Variants in MAGI1 observed in about 807,000 individuals in gnomAD.
MAGI1 encodes the protein membrane associated guanylate kinase, WW and PDZ domain containing 1.
Under a neutral mutation model 139.9 loss-of-function variants are expected in MAGI1, and 58 were observed. The ratio of observed to expected loss-of-function variants is 0.41; its 90% CI spans 0.34 to 0.52. The LOEUF is 0.52. Among genes scored for constraint, MAGI1 ranks in the 20% least tolerant of loss-of-function variants. The pLI, the probability that MAGI1 is intolerant of heterozygous loss-of-function variation, is 0.12. For missense variants in MAGI1, 1,874 were observed against 1,901.6 expected, an observed-to-expected ratio of 0.99 and a Z score of 0.27; for synonymous variants, 812 against 737.9, an observed-to-expected ratio of 1.10 and a Z score of -1.63.
Position 65,403,757 on chromosome 3 carries a change from A to G in MAGI1, c.2168-2287T>C, listed in dbSNP as rs1308831939. Among the ~76,000 whole-genome samples, 13 of 152,314 alleles carry G rather than the reference A, an allele frequency of 8.5e-5. No individual in the cohort carries two copies. The South Asian group carries it at 2.7e-3, about 32-fold the overall frequency. On this transcript the variant is annotated intron_variant, in intron 12 of 22. Transcript: ENST00000402939. ...TTTGTAAGACTCTGGCTGATCTTCA[A>G]ATCCCTTCTCTTAAGAGCTTCATAT...
intron 5 of MAGI1, among the ~76,000 whole-genome samples, chr3:65,461,710 G>A (rs527371998): frequency 1.3e-5 from 2 of 151,908 alleles, no homozygotes; most frequent in South Asian, 2.1e-4. Flanking sequence ...GGATGGTCTC[G>A]ATCTCCTGAC....
intron 12 of MAGI1, among the ~76,000 whole-genome samples, chr3:65,413,791 A>G (rs2107216661): frequency 6.6e-6 from 1 of 152,246 alleles, no homozygotes; most frequent in East Asian, 1.9e-4. Context: ...CAACCCACAC[A>G]CTATCCCAGT....
intron 7 of MAGI1, among the ~76,000 whole-genome samples, chr3:65,447,362 T>C (rs1948740265): frequency 6.6e-6 from 1 of 152,204 alleles, no homozygotes; most frequent in African/African-American, 2.4e-5. Flanking sequence ...TATAAATTAT[T>C]CCTAAACAAC....
At position 65,375,874 on chromosome 3, in the gene MAGI1, T is replaced by C; in HGVS notation, c.3067A>G (p.Lys1023Glu). 6.2e-7 allele frequency: 1 copy of C among 1,614,196 alleles called. No homozygotes were observed. Among genetic ancestry groups the C allele is most frequent in the Non-Finnish European group, 8.5e-7 (1 of 1,180,034 alleles). The part of the protein sequence containing the change: ...IEGSPADRCG[K>E]LKVGDRILAV... Reference sequence around the variant, plus strand: ...AAGATCCGGTCTCCTACTTTCAGCTTGCCACAGCGGTCAGCAGGGCTCCCC... The same window carrying C: ...AAGATCCGGTCTCCTACTTTCAGCTCGCCACAGCGGTCAGCAGGGCTCCCC... The change falls in exon 18 of 23, where the codon AAG becomes GAG. Residue 1023 changes from lysine to glutamate, a missense_variant. Lys to Glu is a moderately conservative substitution (Grantham distance 56). Transcript: ENST00000402939.
intron 2 of MAGI1, among the ~76,000 whole-genome samples, chr3:65,503,342 ATCACT>A (rs1266847160): frequency 2.0e-5 from 3 of 152,190 alleles, no homozygotes; most frequent in Non-Finnish European, 4.4e-5. Flanking sequence ...TAATCTACAA[ATCACT>A]TCACAAGGAA....
At chr3:65,809,622 A>G (rs2041091480) in intron 1 of MAGI1, among the ~76,000 whole-genome samples, 1 of 152,148 alleles carries the variant, frequency 6.6e-6, no homozygotes, top group African/African-American at 2.4e-5. Flanking sequence ...ACTCAACTCA[A>G]ACTAAAGATG....
intron 1 of MAGI1, among the ~76,000 whole-genome samples, chr3:65,990,993 A>G (rs1376675253): frequency 6.6e-6 from 1 of 152,046 alleles, no homozygotes; most frequent in Non-Finnish European, 1.5e-5. Context: ...TCTCTAAAAA[A>G]TAAAAGTAAA....
At chr3:65,382,705 C>A (rs1429412888) in intron 15 of MAGI1, among the ~76,000 whole-genome samples, 1 of 152,148 alleles carries the variant, frequency 6.6e-6, no homozygotes, top group Non-Finnish European at 1.5e-5. Context: ...AGAACTTTGA[C>A]AAAATAGTTG....
At chr3:65,477,777 T>C (rs1030916915) in intron 4 of MAGI1, among the ~76,000 whole-genome samples, 1 of 150,720 alleles carries the variant, frequency 6.6e-6, no homozygotes, top group African/African-American at 2.4e-5. Context: ...TAGAGTGCAG[T>C]GGTGCAATCT....
chr3:65,386,247 G>GAA (rs4016249), intron 14 of MAGI1, among the ~76,000 whole-genome samples: 1 of 145,846 alleles, frequency 6.9e-6, no homozygotes, highest in African/African-American at 2.5e-5. Context: ...AGGCCACATG[G>GAA]AAAAAAAAAA....
chr3:65,850,102 TTACCAGCCAAACTTGTTTGAA>T (rs1290724729), intron 1 of MAGI1, among the ~76,000 whole-genome samples: 1 of 152,150 alleles, frequency 6.6e-6, no homozygotes, highest in South Asian at 2.1e-4. Context: ...AAATAAAACA[TTACCAGCCAAACTTGTTTGAA>T]TACCCTATTT....
rs185669633 is a variant in MAGI1, at chr3:65,819,402, T to G, written c.314-197314A>C. 2.5e-4 allele frequency among the ~76,000 whole-genome samples: 38 copies of G among 152,308 alleles called. 1 individual carries two copies. The highest frequency in any genetic ancestry group is 2.4e-3 in the Admixed American group (37 of 15,296). On this transcript the variant is annotated intron_variant, in intron 1 of 22. Coordinates refer to ENST00000402939, the MANE Select transcript of MAGI1 (RefSeq NM_001033057.2). ...CTTAATTCACTTGACCTAAATTTTA[T>G]GCACTGTACCCCTTCCCTCCACCCT...
At chr3:65,498,010 TG>T (rs1473293697) in intron 2 of MAGI1, among the ~76,000 whole-genome samples, 1 of 152,112 alleles carries the variant, frequency 6.6e-6, no homozygotes, top group Non-Finnish European at 1.5e-5. Context: ...GCCCTGGGTC[TG>T]GGCCAACCTG....
intron 1 of MAGI1, among the ~76,000 whole-genome samples, chr3:65,783,659 T>A (rs1285672593): frequency 6.6e-6 from 1 of 151,932 alleles, no homozygotes; most frequent in African/African-American, 2.4e-5. Flanking sequence ...CATGCCCAGC[T>A]AATTTTTTTT....
chr3:65,913,986 G>C (rs2061782425), intron 1 of MAGI1: 1 of 152,114 alleles, frequency 6.6e-6, no homozygotes, highest in Non-Finnish European at 1.5e-5. Context: ...GAGACCATTA[G>C]AAAGGACAAA....
chr3:65,543,547 T>C (rs1286591818), intron 2 of MAGI1, among the ~76,000 whole-genome samples: 1 of 152,204 alleles, frequency 6.6e-6, no homozygotes, highest in Non-Finnish European at 1.5e-5. Flanking sequence ...GTGGCACATA[T>C]ATACCATGGA....
chr3:65,486,669 A>C (rs1031181178), intron 3 of MAGI1, among the ~76,000 whole-genome samples: 3 of 152,200 alleles, frequency 2.0e-5, no homozygotes, highest in Non-Finnish European at 4.4e-5. Flanking sequence ...GCTGGTTCAA[A>C]TTGTAAAGCA....
At chr3:66,021,017 T>C (rs2067931459) in intron 1 of MAGI1, among the ~76,000 whole-genome samples, 1 of 152,158 alleles carries the variant, frequency 6.6e-6, no homozygotes, top group Non-Finnish European at 1.5e-5. Flanking sequence ...TTAAGAAGCA[T>C]CAACCCAACG....
At chr3:66,014,722 G>A (rs545195460) in intron 1 of MAGI1, among the ~76,000 whole-genome samples, 3 of 152,266 alleles carry the variant, frequency 2.0e-5, no homozygotes, top group East Asian at 3.9e-4. Flanking sequence ...TCAAGACCAA[G>A]AGTTAATAAA....
Sources: allele counts gnomAD v4.1 joint callset (sites outside exome capture counted in the v4.1 genomes callset), GRCh38; gene constraint gnomAD v4.1.1; transcripts MANE v1.5; gene names NCBI Gene and HGNC (gene_info 2026-07-23, HGNC 2026-07-21).